SLC28A3: variants seen among roughly 807,000 people sequenced by gnomAD.
The protein encoded by SLC28A3 is solute carrier family 28 member 3, also known as concentrative Na(+)-nucleoside cotransporter 3.
SLC28A3 carries 68 observed loss-of-function variants against 84.2 expected under a neutral mutation model. That is an observed-to-expected ratio of 0.81 (90% CI 0.66 to 0.99). The LOEUF (loss-of-function observed/expected upper bound fraction) is 0.99. Ranked by LOEUF, SLC28A3 falls within the 50% of genes least tolerant of loss-of-function variation. SLC28A3 has a pLI of 0.00. For missense variants in SLC28A3, 712 were observed against 841.5 expected (o/e 0.85, Z 1.90); for synonymous variants, 267 against 303.6 (o/e 0.88, Z 1.25).
intron 1 of SLC28A3, among the ~76,000 whole-genome samples, chr9:84,323,173 C>A (rs1255058195): frequency 6.6e-6 from 1 of 152,164 alleles, no homozygotes; most frequent in Admixed American, 6.5e-5. Flanking sequence ...TTGGCCTGTA[C>A]CAGCATCCCC....
intron 17 of SLC28A3, 59 bp downstream of exon 17, chr9:84,279,206 G>T: frequency 2.2e-6 from 3 of 1,374,728 alleles, no homozygotes; most frequent in Middle Eastern, 1.9e-4. Flanking sequence ...TGGATATTTA[G>T]GTGTGATTTG....
intron 5 of SLC28A3, among the ~76,000 whole-genome samples, chr9:84,300,050 C>A (rs1435546722): frequency 6.6e-6 from 1 of 152,184 alleles, no homozygotes; most frequent in African/African-American, 2.4e-5. Flanking sequence ...CCTCGGCCTC[C>A]CAAAGTGCTG....
intron 11 of SLC28A3, among the ~76,000 whole-genome samples, chr9:84,289,424 C>T (rs901587904): frequency 3.3e-5 from 5 of 152,158 alleles, no homozygotes; most frequent in African/African-American, 1.2e-4. Context: ...GGTGCACGCA[C>T]CAGTTATAAC....
At chr9:84,279,420 TTTTTAG>T (rs1337311800) in intron 16 of SLC28A3, 35 bp from the exon 17 acceptor site, 20 of 1,394,368 alleles carry the variant, frequency 1.4e-5, no homozygotes, top group Non-Finnish European at 1.8e-5. Flanking sequence ...TATTTATTAT[TTTTTAG>T]TTTTATTTAT....
At position 84,326,256 on chromosome 9, in the gene SLC28A3, T is replaced by C. The variant is rs531380408; in HGVS notation, c.61-12802A>G. ...CAGCTTCTCCATTCAACATCAACAA[T>C]GTCTGAACAAGATGGTTCAGCAGGG... On this transcript the variant is annotated intron_variant, in intron 1 of 17. Coordinates refer to ENST00000376238, the MANE Select transcript of SLC28A3 (RefSeq NM_001199633.2). Among the ~76,000 whole-genome samples the C allele has an allele frequency of 3.2e-3, 483 of 152,178 alleles. 4 individuals are homozygous for C. The highest frequency in any genetic ancestry group is 0.011 in the African/African-American group (470 of 41,530).
At chr9:84,310,623 G>A (rs1043141747) in intron 2 of SLC28A3, 1 of 979,978 alleles carries the variant, frequency 1.0e-6, no homozygotes, top group Non-Finnish European at 1.2e-6. Context: ...TCATTAGTGT[G>A]TGTCTGAGAT....
chr9:84,285,632 G>A (rs1464902272), intron 13 of SLC28A3, 90 bp from the exon 14 acceptor site: 3 of 1,340,648 alleles, frequency 2.2e-6, no homozygotes, highest in African/African-American at 2.9e-5. Context: ...TGACCCCTCT[G>A]TCTCCTTTAG....
rs571807900 is a variant in SLC28A3, at chr9:84,286,172, G to T, written c.1281-61C>A. 1.2e-5 allele frequency: 19 copies of T among 1,523,280 alleles called. No individual in the cohort carries two copies. The East Asian group carries it at 4.1e-4, about 33-fold the overall frequency. 94.4% of individuals were successfully genotyped at this position (1,523,280 alleles called of 1,614,324 possible). On this transcript the variant is annotated intron_variant, in intron 12 of 17. Coordinates refer to ENST00000376238, the MANE Select transcript of SLC28A3 (RefSeq NM_001199633.2). The stretch of plus-strand genomic sequence containing the variant: ...GAGTTGTCAGGGGATGGACACCATT[G>T]GTGCAGAAGTAGCATAATCAGAGCT...
intron 14 of SLC28A3, among the ~76,000 whole-genome samples, chr9:84,283,417 G>T (rs558177644): frequency 1.3e-5 from 2 of 152,228 alleles, no homozygotes; most frequent in South Asian, 4.1e-4. Context: ...ATGAATTACG[G>T]TGTGCTATAC....
At chr9:84,310,319 C>T (rs904314123) in intron 2 of SLC28A3, 1 of 800,576 alleles carries the variant, frequency 1.2e-6, no homozygotes, top group Non-Finnish European at 1.5e-6. Flanking sequence ...TCTGACCCAT[C>T]CCATTTTTTC....
chr9:84,307,132 C>CA (rs34204820), intron 3 of SLC28A3, among the ~76,000 whole-genome samples: 15,573 of 119,530 alleles, frequency 0.13, 1,418 homozygotes, highest in Admixed American at 0.21. Flanking sequence ...CCGTCTCAAC[C>CA]AAAAAAAAAA....
At position 84,286,445 on chromosome 9, in the gene SLC28A3, C is replaced by CTTTTTTT. The variant is rs71498094; in HGVS notation, c.1281-341_1281-335dup. Among the ~76,000 whole-genome samples, 54 of 87,658 alleles carry CTTTTTTT rather than the reference C, an allele frequency of 6.2e-4. 2 individuals are homozygous for CTTTTTTT. The highest frequency in any genetic ancestry group is 2.0e-3 in the African/African-American group (43 of 21,016). 57.5% of individuals were successfully genotyped at this position (87,658 alleles called of 152,430 possible). On this transcript the variant is annotated intron_variant, in intron 12 of 17. Coordinates refer to ENST00000376238, the MANE Select transcript of SLC28A3 (RefSeq NM_001199633.2). Reference sequence around the variant, plus strand: ...ATAGCATGTGTGCCACCATGCTTGGCTTTTTTTTTTTTTTTTTTTTTTTAA... The same window carrying CTTTTTTT: ...ATAGCATGTGTGCCACCATGCTTGGCTTTTTTTTTTTTTTTTTTTTTTTTTTTTTTAA...
At chr9:84,304,395 G>T (rs1825724268) in intron 4 of SLC28A3, among the ~76,000 whole-genome samples, 1 of 151,914 alleles carries the variant, frequency 6.6e-6, no homozygotes, top group Non-Finnish European at 1.5e-5. Context: ...ATAGACAGGA[G>T]TGTTCTTTAA....
intron 1 of SLC28A3, among the ~76,000 whole-genome samples, chr9:84,337,078 A>G (rs1827000999): frequency 6.6e-6 from 1 of 152,232 alleles, no homozygotes; most frequent in African/African-American, 2.4e-5. Context: ...GGATTGCTTG[A>G]GGCCAGGGTT....
At chr9:84,331,249 T>C (rs1356297159) in intron 1 of SLC28A3, among the ~76,000 whole-genome samples, 2 of 152,200 alleles carry the variant, frequency 1.3e-5, no homozygotes, top group East Asian at 3.8e-4. Context: ...TGTGTGTGTG[T>C]TTTAATTGAA....
rs1824500162 is a variant in SLC28A3, at chr9:84,275,545, T to C, written c.*2673A>G. ...ACATAGGCATGCCATCTTTGCCCAC[T>C]ATATGTACATGGGTGAAGGAGAAAC... On this transcript the variant is annotated 3_prime_UTR_variant, in exon 18 of 18. Transcript: ENST00000376238. 1 of 152,204 alleles carries C rather than the reference T, an allele frequency of 6.6e-6. No individual in the cohort carries two copies. Among genetic ancestry groups the C allele is most frequent in the South Asian group, 2.1e-4 (1 of 4,824 alleles). 9.4% of individuals were successfully genotyped at this position (152,204 alleles called of 1,614,324 possible).
At chr9:84,327,977 T>C (rs868376116) in intron 1 of SLC28A3, among the ~76,000 whole-genome samples, 1 of 151,182 alleles carries the variant, frequency 6.6e-6, no homozygotes, top group South Asian at 2.1e-4. Flanking sequence ...CCATCTTTAG[T>C]TGATCAGACT....
chr9:84,277,958 C>A lies in SLC28A3; in HGVS notation c.*260G>T, dbSNP rs1824582664. On this transcript the variant is annotated 3_prime_UTR_variant, in exon 18 of 18. Coordinates refer to ENST00000376238, the MANE Select transcript of SLC28A3 (RefSeq NM_001199633.2). The stretch of plus-strand genomic sequence containing the variant: ...TTGCAAACATTAAAGTCAGAAAATC[C>A]CATTGAGACTGGAATCAACAACACC... The A allele has an allele frequency of 4.7e-6, 2 of 429,644 alleles. No homozygotes were observed. Among genetic ancestry groups the A allele is most frequent in the Admixed American group, 3.7e-5 (1 of 26,828 alleles). The allele number at this position is 429,644 out of a possible 1,614,324, so 26.6% of individuals were successfully genotyped here.
chr9:84,280,036 C>G lies in SLC28A3; in HGVS notation c.1767G>C (p.Ser589=), dbSNP rs762479737. The G allele has an allele frequency of 2.5e-6, 4 of 1,613,944 alleles. No homozygotes were observed. In the Admixed American group the frequency reaches 6.7e-5, roughly 27 times the overall value. The part of the protein sequence containing the change: ...MAPSRKRDIA[S]GAVRALIAGT... ...CCGCAATCAGAGCTCTCACTGCCCC[C>G]GAGGCGATATCACGCTTTCTGGAAG... The change falls in exon 16 of 18, where the codon TCG becomes TCC. Residue 589 remains serine (S), a synonymous_variant. Transcript: ENST00000376238.
Sources: gnomAD v4.1 joint callset for allele counts (sites outside exome capture counted in the v4.1 genomes callset) on GRCh38, gnomAD v4.1.1 for gene constraint, MANE v1.5 for transcripts, NCBI Gene and HGNC (gene_info 2026-07-23, HGNC 2026-07-21) for gene names.